The following SLMAP variants were observed in gnomAD, a reference collection of about 807,000 sequenced individuals.
SLMAP encodes sarcolemma associated protein, also known as sarcolemmal membrane-associated protein.
In SLMAP, 44 loss-of-function variants were observed where a neutral mutation model predicts 128.8. The ratio of observed to expected loss-of-function variants is 0.34; its 90% CI spans 0.27 to 0.44. The LOEUF (loss-of-function observed/expected upper bound fraction) is 0.44. Ranked by LOEUF, SLMAP falls within the 20% of genes least tolerant of loss-of-function variation. The pLI, the probability that SLMAP is intolerant of heterozygous loss-of-function variation, is 1.00. For missense variants in SLMAP, 787 were observed against 985.3 expected (o/e 0.80, Z 2.69); for synonymous variants, 327 against 348.8 (o/e 0.94, Z 0.70).
chr3:57,923,108 T>C, intron 23 of SLMAP, 85 bp downstream of exon 23: 1 of 1,264,830 alleles, frequency 7.9e-7, no homozygotes, highest in Non-Finnish European at 1.1e-6. Context: ...TATCACTGAT[T>C]TGTGAAGCAA....
chr3:57,796,579 A>C (rs1199572165), intron 2 of SLMAP, among the ~76,000 whole-genome samples: 2 of 152,246 alleles, frequency 1.3e-5, no homozygotes, highest in African/African-American at 4.8e-5. Context: ...ACGATTTGGC[A>C]ACAGTCACCA....
rs187943806 is a variant in SLMAP, at chr3:57,771,835, G to A, written c.198+13986G>A. 2.0e-4 allele frequency among the ~76,000 whole-genome samples: 30 copies of A among 152,260 alleles called. No homozygotes were observed. In the East Asian group the frequency reaches 4.4e-3, roughly 23 times the overall value. ...AAAGAAATCATCTGTTGATTAATGCGTGTTATCCACTTCTACTAAGTTTGT... is the reference window on the plus strand; with the variant it reads ...AAAGAAATCATCTGTTGATTAATGCATGTTATCCACTTCTACTAAGTTTGT... On this transcript the variant is annotated intron_variant, in intron 2 of 24. Coordinates refer to ENST00000671191, the MANE Select transcript of SLMAP (RefSeq NM_001377540.1).
At position 57,913,187 on chromosome 3, in the gene SLMAP, A is replaced by G. The variant is rs1226174046; in HGVS notation, c.2050A>G (p.Asn684Asp). Reference sequence around the variant, plus strand: ...ACTAGAGAAGTTGAGAAAGGAATGGAATGCATTGGAAACCGAATGCCATTC... The same window carrying G: ...ACTAGAGAAGTTGAGAAAGGAATGGGATGCATTGGAAACCGAATGCCATTC... Reference protein sequence around the residue: ...GELEKLRKEWNALETECHSLK... With the variant: ...GELEKLRKEWDALETECHSLK... Residue 684 changes from asparagine (N) to aspartate (D), a missense_variant, in exon 21 of 25, where the codon AAT becomes GAT. This residue lies in a region of SLMAP where 715 missense variants were observed against 843.6 expected (regional missense o/e 0.85). Coordinates refer to ENST00000671191, the MANE Select transcript of SLMAP (RefSeq NM_001377540.1). The G allele has an allele frequency of 1.9e-6, 3 of 1,586,626 alleles. No homozygotes were observed. Among genetic ancestry groups the G allele is most frequent in the Admixed American group, 3.3e-5 (2 of 59,832 alleles).
chr3:57,758,736 G>T (rs1386818209), intron 2 of SLMAP, among the ~76,000 whole-genome samples: 1 of 152,174 alleles, frequency 6.6e-6, no homozygotes, highest in Non-Finnish European at 1.5e-5. Context: ...ATTTTAAGAA[G>T]TGAAGAAAGA....
intron 2 of SLMAP, among the ~76,000 whole-genome samples, chr3:57,795,356 C>T (rs918068844): frequency 2.6e-5 from 4 of 151,932 alleles, no homozygotes; most frequent in African/African-American, 7.3e-5. Flanking sequence ...TGGCCAGCGT[C>T]GTGAAACCCC....
At chr3:57,887,685 T>C (rs2095933744) in intron 14 of SLMAP, among the ~76,000 whole-genome samples, 1 of 152,206 alleles carries the variant, frequency 6.6e-6, no homozygotes, top group Non-Finnish European at 1.5e-5. Context: ...AGAGTTCCTG[T>C]GGTGGGATAA....
intron 22 of SLMAP, among the ~76,000 whole-genome samples, chr3:57,919,619 AC>A (rs1179902433): frequency 6.6e-6 from 1 of 151,038 alleles, no homozygotes; most frequent in East Asian, 2.0e-4. Flanking sequence ...ACATGGAGAA[AC>A]CCCGTCTCTA....
chr3:57,867,098 G>A (rs192576062), intron 13 of SLMAP, among the ~76,000 whole-genome samples: 143 of 152,334 alleles, frequency 9.4e-4, no homozygotes, highest in Middle Eastern at 3.4e-3. Context: ...AGGATCACTT[G>A]AACCTGGGAG....
rs547430149 is a variant in SLMAP at position 57,815,250 on chromosome 3, T to C, written c.199-16133T>C. On this transcript the variant is annotated intron_variant, in intron 2 of 24. Coordinates refer to ENST00000671191, the MANE Select transcript of SLMAP (RefSeq NM_001377540.1). ...ACAGGAAGTGGCGCTCACGTGGTAA[T>C]GCTCACTCGCCCTCTGCTTACCTCC... 7.2e-5 allele frequency among the ~76,000 whole-genome samples: 11 copies of C among 152,258 alleles called. No individual in the cohort carries two copies. The South Asian group carries it at 2.1e-3, about 29-fold the overall frequency.
At chr3:57,769,450 C>T (rs2080382737) in intron 2 of SLMAP, among the ~76,000 whole-genome samples, 1 of 152,062 alleles carries the variant, frequency 6.6e-6, no homozygotes, top group Non-Finnish European at 1.5e-5. Context: ...GCCTTGGCCT[C>T]CCAAAGTGCT....
At chr3:57,881,705 C>T (rs1295026939) in intron 14 of SLMAP, among the ~76,000 whole-genome samples, 4 of 152,120 alleles carry the variant, frequency 2.6e-5, no homozygotes, top group Admixed American at 6.5e-5. Flanking sequence ...GCGCCCACCT[C>T]GGCCTCCCAA....
chr3:57,870,346 A>G (rs547488171), intron 13 of SLMAP, among the ~76,000 whole-genome samples: 1 of 152,110 alleles, frequency 6.6e-6, no homozygotes, highest in South Asian at 2.1e-4. Context: ...ATTCTTATTT[A>G]TTAGATTTTT....
intron 15 of SLMAP, among the ~76,000 whole-genome samples, chr3:57,894,170 T>C (rs2096175310): frequency 6.6e-6 from 1 of 152,160 alleles, no homozygotes; most frequent in Non-Finnish European, 1.5e-5. Context: ...AGTGTATGAC[T>C]ATGTGAAGTT....
intron 8 of SLMAP, among the ~76,000 whole-genome samples, chr3:57,859,140 A>G (rs2094927925): frequency 6.6e-6 from 1 of 152,054 alleles, no homozygotes; most frequent in Non-Finnish European, 1.5e-5. Flanking sequence ...CGTGGCCAAC[A>G]TGGCGAAACC....
chr3:57,797,721 C>G (rs1011412506), intron 2 of SLMAP, among the ~76,000 whole-genome samples: 1 of 151,956 alleles, frequency 6.6e-6, no homozygotes, highest in South Asian at 2.1e-4. Flanking sequence ...AATAGGAAAC[C>G]TGAGTTTAGT....
intron 10 of SLMAP, among the ~76,000 whole-genome samples, chr3:57,863,050 A>G (rs1306224617): frequency 6.6e-6 from 1 of 152,184 alleles, no homozygotes; most frequent in Admixed American, 6.5e-5. Context: ...TTTAAAACCT[A>G]AAACTGCTTA....
rs2077806648 is a variant in SLMAP, at chr3:57,757,264, A to T, written c.-388A>T. On this transcript the variant is annotated 5_prime_UTR_variant, in exon 2 of 25. Transcript: ENST00000671191. ...CCACCAAGGGGGAAAAGCGGCCGCG[A>T]TCTCAAACCAAACACAAGAATTGGC... 3.5e-6 allele frequency: 1 copy of T among 287,596 alleles called. No individual in the cohort carries two copies. Among genetic ancestry groups the T allele is most frequent in the African/African-American group, 2.2e-5 (1 of 45,174 alleles). 17.8% of individuals were successfully genotyped at this position (287,596 alleles called of 1,614,324 possible). A position where few individuals can be genotyped will look rare whatever the true frequency, so the allele number is the denominator to read the frequency against.
intron 23 of SLMAP, among the ~76,000 whole-genome samples, chr3:57,923,700 T>C (rs1451247921): frequency 6.6e-6 from 1 of 152,214 alleles, no homozygotes; most frequent in Non-Finnish European, 1.5e-5. Flanking sequence ...TGCTCTGACT[T>C]ATTTAAAACC....
At chr3:57,859,339 A>T (rs985489334) in intron 8 of SLMAP, among the ~76,000 whole-genome samples, 6 of 149,304 alleles carry the variant, frequency 4.0e-5, no homozygotes, top group Non-Finnish European at 7.4e-5. Flanking sequence ...AAAAAAAAAA[A>T]GCGGGGGCAG....
Sources: gnomAD v4.1 joint callset for allele counts (sites outside exome capture counted in the v4.1 genomes callset) on GRCh38, gnomAD v4.1.1 for gene constraint, gnomAD v4.1.1 regional missense constraint, MANE v1.5 for transcripts, NCBI Gene and HGNC (gene_info 2026-07-23, HGNC 2026-07-21) for gene names.